PNOC: variants seen among roughly 807,000 people sequenced by gnomAD.
The protein encoded by PNOC is nociceptin.
PNOC carries 10 observed loss-of-function variants against 15.6 expected under a neutral mutation model. The ratio of observed to expected loss-of-function variants is 0.64; its 90% CI spans 0.40 to 1.09. The LOEUF (loss-of-function observed/expected upper bound fraction) is 1.09, where lower values mean the gene tolerates loss of function less well. Ranked by LOEUF, PNOC falls within the 50% of genes least tolerant of loss-of-function variation. The pLI, the probability that PNOC is intolerant of heterozygous loss-of-function variation, is 0.01. For synonymous variants in PNOC, 98 were observed against 88.5 expected (o/e 1.11, Z -0.60); for missense variants, 220 against 223.9 (o/e 0.98, Z 0.11).
intron 1 of PNOC, among the ~76,000 whole-genome samples, chr8:28,317,845 T>C (rs1361452044): frequency 6.6e-6 from 1 of 152,124 alleles, no homozygotes; most frequent in Admixed American, 6.5e-5. Flanking sequence ...GAGGGAGCCC[T>C]TCTCCCTTCT....
Position 28,331,729 on chromosome 8 carries a change from C to T in PNOC, c.126+2446C>T, listed in dbSNP as rs181788211. 4.6e-5 allele frequency among the ~76,000 whole-genome samples: 7 copies of T among 152,314 alleles called. No homozygotes were observed. The East Asian group carries it at 1.4e-3, about 29-fold the overall frequency. ...GATTAAGTGTCCTCTGGTAAGAGAACATTGCACTGATTCTCCACCCACCCC... is the reference window on the plus strand; with the variant it reads ...GATTAAGTGTCCTCTGGTAAGAGAATATTGCACTGATTCTCCACCCACCCC... On this transcript the variant is annotated intron_variant, in intron 2 of 3. Transcript: ENST00000301908.
chr8:28,330,408 T>TTTTTTATTTTTTTC (rs1801310843), intron 2 of PNOC, among the ~76,000 whole-genome samples: 2 of 140,020 alleles, frequency 1.4e-5, no homozygotes, highest in Non-Finnish European at 3.1e-5. Context: ...TTTTTTTTTT[T>TTTTTTATTTTTTTC]TTTTGAGACG....
chr8:28,318,723 C>G (rs973287310), intron 1 of PNOC, among the ~76,000 whole-genome samples: 12 of 152,250 alleles, frequency 7.9e-5, no homozygotes. Context: ...ATCACCACCT[C>G]TGTAAAAGCA....
chr8:28,317,415 C>A (rs562649698), intron 1 of PNOC, 99 bp downstream of exon 1: 1 of 152,486 alleles, frequency 6.6e-6, no homozygotes, highest in South Asian at 2.1e-4. Flanking sequence ...GCTCCTCGGC[C>A]TCTCTCCTTT....
chr8:28,339,585 C>G (rs1412074390), intron 3 of PNOC, 94 bp downstream of exon 3: 1 of 986,920 alleles, frequency 1.0e-6, no homozygotes, highest in Non-Finnish European at 1.4e-6. Flanking sequence ...ATTCATCTCC[C>G]CGCCCCCTCC....
chr8:28,320,401 G>A (rs961505997), intron 1 of PNOC, among the ~76,000 whole-genome samples: 3 of 152,060 alleles, frequency 2.0e-5, no homozygotes, highest in African/African-American at 4.8e-5. Flanking sequence ...TGGCCAGAGC[G>A]CTGGCTTCCT....
Position 28,339,221 on chromosome 8 carries a change from G to A in PNOC, c.308G>A (p.Ser103Asn). Residue 103 changes from serine (S) to asparagine (N), a missense_variant, in exon 3 of 4, where the codon AGC becomes AAC. Ser to Asn is a conservative substitution (Grantham distance 46). Transcript: ENST00000301908. The stretch of plus-strand genomic sequence containing the variant: ...CTGCGGCGAATGCCCCGAGTCCGGA[G>A]CTTGTTCCAGGAGCAGGAAGAGCCC... ...QHLRRMPRVR[S>N]LFQEQEEPEP... The A allele has an allele frequency of 6.2e-7, 1 of 1,612,406 alleles. No homozygotes were observed.
At chr8:28,335,898 G>T (rs924359715) in intron 2 of PNOC, among the ~76,000 whole-genome samples, 1 of 151,070 alleles carries the variant, frequency 6.6e-6, no homozygotes, top group Non-Finnish European at 1.5e-5. Context: ...TTTAGACCAG[G>T]TGTGGGCTCT....
intron 2 of PNOC, among the ~76,000 whole-genome samples, chr8:28,330,352 G>T (rs1801301104): frequency 7.3e-6 from 1 of 136,346 alleles, no homozygotes. Context: ...CCACTGAACA[G>T]GTATGTGCCC....
At chr8:28,326,999 A>G (rs1202166276) in intron 1 of PNOC, among the ~76,000 whole-genome samples, 1 of 152,220 alleles carries the variant, frequency 6.6e-6, no homozygotes, top group African/African-American at 2.4e-5. Flanking sequence ...CAGTTCCTCA[A>G]TATCATCTGA....
chr8:28,330,741 G>T (rs1801319289), intron 2 of PNOC, among the ~76,000 whole-genome samples: 1 of 151,800 alleles, frequency 6.6e-6, no homozygotes, highest in South Asian at 2.1e-4. Context: ...ACTCAACAGT[G>T]AACCCCTTAG....
At chr8:28,321,026 G>C (rs918245466) in intron 1 of PNOC, among the ~76,000 whole-genome samples, 35 of 151,820 alleles carry the variant, frequency 2.3e-4, no homozygotes, top group African/African-American at 8.0e-4. Context: ...TATTGCCCAG[G>C]CAGGTCTTTT....
intron 1 of PNOC, among the ~76,000 whole-genome samples, chr8:28,324,312 C>T (rs1024809373): frequency 6.6e-6 from 1 of 152,194 alleles, no homozygotes; most frequent in African/African-American, 2.4e-5. Context: ...ATGCAAGTTG[C>T]CCCAGTTAAT....
chr8:28,333,864 C>T (rs1172130604), intron 2 of PNOC, among the ~76,000 whole-genome samples: 1 of 152,184 alleles, frequency 6.6e-6, no homozygotes. Context: ...ATCCAGCTCC[C>T]CCACTCTACC....
rs141033475 is a variant in PNOC at position 28,333,321 on chromosome 8, C to A, written c.126+4038C>A. Among the ~76,000 whole-genome samples the A allele has an allele frequency of 1.3e-3, 201 of 152,338 alleles. 1 individual carries two copies. The highest frequency in any genetic ancestry group is 4.1e-3 in the African/African-American group (169 of 41,576). On this transcript the variant is annotated intron_variant, in intron 2 of 3. Transcript: ENST00000301908. ...CACTTTCCCCATAAGCCCAGCTTTACAGATGAATTTGGCAGCCATCTGAGA... is the reference window on the plus strand; with the variant it reads ...CACTTTCCCCATAAGCCCAGCTTTAAAGATGAATTTGGCAGCCATCTGAGA...
At chr8:28,330,228 G>A (rs1242716388) in intron 2 of PNOC, among the ~76,000 whole-genome samples, 2 of 151,872 alleles carry the variant, frequency 1.3e-5, no homozygotes, top group African/African-American at 4.8e-5. Context: ...TTACAGGCAT[G>A]AGCCACCGTG....
intron 1 of PNOC, among the ~76,000 whole-genome samples, chr8:28,325,175 C>T (rs1446275360): frequency 6.6e-6 from 1 of 152,080 alleles, no homozygotes; most frequent in Non-Finnish European, 1.5e-5. Flanking sequence ...AGATGGGGCC[C>T]CCGAGGCTCG....
chr8:28,317,976 C>A (rs1346223885), intron 1 of PNOC, among the ~76,000 whole-genome samples: 1 of 152,158 alleles, frequency 6.6e-6, no homozygotes, highest in African/African-American at 2.4e-5. Context: ...TTTCTACGGG[C>A]GTGACCTTGG....
At position 28,322,223 on chromosome 8, in the gene PNOC, T is replaced by C. The variant is rs150630744; in HGVS notation, c.-24+4907T>C. ...GACCAACGTGGTGAAACCCCGTCTC[T>C]ACTAAAAATACAAAAAAAATTAGCC... On this transcript the variant is annotated intron_variant, in intron 1 of 3. Coordinates refer to ENST00000301908, the MANE Select transcript of PNOC (RefSeq NM_006228.5). 5.5e-3 allele frequency among the ~76,000 whole-genome samples: 827 copies of C among 151,736 alleles called. 10 individuals carry two copies. The highest frequency in any genetic ancestry group is 0.019 in the African/African-American group (806 of 41,350).
Sources: gnomAD v4.1 joint callset for allele counts (sites outside exome capture counted in the v4.1 genomes callset) on GRCh38, gnomAD v4.1.1 for gene constraint, MANE v1.5 for transcripts, NCBI Gene and HGNC (gene_info 2026-07-23, HGNC 2026-07-21) for gene names.